Variants in BMPER observed in about 807,000 individuals in gnomAD.
BMPER encodes the protein BMP-binding endothelial regulator protein.
In BMPER, 45 loss-of-function variants were observed where a neutral mutation model predicts 87.3. The observed-to-expected ratio is 0.52, with a 90% CI of 0.41 to 0.66. The LOEUF (loss-of-function observed/expected upper bound fraction) is 0.66. BMPER is among the 30% of genes least tolerant of loss of function. BMPER has a pLI of 0.00. For missense variants in BMPER, 784 were observed against 867.5 expected (o/e 0.90, Z 1.21); for synonymous variants, 326 against 316.2 (o/e 1.03, Z -0.33).
At chr7:34,067,988 A>C (rs1409541450) in intron 11 of BMPER, among the ~76,000 whole-genome samples, 1 of 152,198 alleles carries the variant, frequency 6.6e-6, no homozygotes, top group East Asian at 1.9e-4. Context: ...GTCCTTGATA[A>C]GTGATTATTT....
At chr7:34,001,081 A>G (rs1786568506) in intron 6 of BMPER, among the ~76,000 whole-genome samples, 1 of 151,852 alleles carries the variant, frequency 6.6e-6, no homozygotes, top group Non-Finnish European at 1.5e-5. Flanking sequence ...TCAATTTGCT[A>G]GTATTTTGTT....
At chr7:34,073,961 GC>G (rs914835043) in intron 11 of BMPER, among the ~76,000 whole-genome samples, 1 of 152,228 alleles carries the variant, frequency 6.6e-6, no homozygotes, top group African/African-American at 2.4e-5. Flanking sequence ...GGTGAGGGGG[GC>G]CAGCACTGGG....
Position 34,066,212 on chromosome 7 carries a change from C to T in BMPER, c.1078+4165C>T, listed in dbSNP as rs764447831. Among the ~76,000 whole-genome samples, 149 of 152,264 alleles carry T rather than the reference C, an allele frequency of 9.8e-4. 1 individual carries two copies. In the Middle Eastern group the frequency reaches 0.01, roughly 10 times the overall value. ...AACAGTCAGCAGTAATGGTAATTTA[C>T]AATTTTGTAGGTAAGAAATAATAGA... On this transcript the variant is annotated intron_variant, in intron 11 of 14. Transcript: ENST00000649409.
intron 6 of BMPER, among the ~76,000 whole-genome samples, chr7:34,002,910 T>G (rs1160034864): frequency 1.3e-5 from 2 of 151,716 alleles, no homozygotes; most frequent in Non-Finnish European, 3.0e-5. Context: ...GAATCTAAAG[T>G]GTGTCTCTTG....
At chr7:33,919,664 C>T (rs1245902514) in intron 2 of BMPER, among the ~76,000 whole-genome samples, 1 of 152,150 alleles carries the variant, frequency 6.6e-6, no homozygotes, top group East Asian at 1.9e-4. Flanking sequence ...ACTCAGCACA[C>T]ATTTATTGAG....
intron 6 of BMPER, among the ~76,000 whole-genome samples, chr7:34,034,787 G>T (rs1394002913): frequency 6.6e-6 from 1 of 152,186 alleles, no homozygotes; most frequent in African/African-American, 2.4e-5. Flanking sequence ...TGATGTGAGT[G>T]ACAGATGCCA....
At chr7:34,073,089 A>AT (rs1350187099) in intron 11 of BMPER, among the ~76,000 whole-genome samples, 3 of 151,284 alleles carry the variant, frequency 2.0e-5, no homozygotes, top group Non-Finnish European at 2.9e-5. Context: ...AGTGTGGGCA[A>AT]TTTTTTTTTC....
At position 33,963,089 on chromosome 7, in the gene BMPER, T is replaced by C. The variant is rs186536201; in HGVS notation, c.320-3390T>C. Among the ~76,000 whole-genome samples the C allele has an allele frequency of 9.9e-4, 151 of 152,382 alleles. 1 individual carries two copies. Among genetic ancestry groups the C allele is most frequent in the Non-Finnish European group, 1.9e-3 (127 of 68,038 alleles). On this transcript the variant is annotated intron_variant, in intron 3 of 14. Coordinates refer to ENST00000649409, the MANE Select transcript of BMPER (RefSeq NM_001365308.1). ...ATTCTAGTGTTAGTTTCATATCTAA[T>C]TTCTTCTAATTTGGAGTAAGCCCTT...
At chr7:33,957,503 T>C (rs891178272) in intron 3 of BMPER, among the ~76,000 whole-genome samples, 2 of 151,982 alleles carry the variant, frequency 1.3e-5, no homozygotes, top group African/African-American at 4.8e-5. Context: ...GGAGTCTTGT[T>C]GTGATAAAAC....
At chr7:33,960,721 T>G (rs1165840283) in intron 3 of BMPER, among the ~76,000 whole-genome samples, 1 of 152,230 alleles carries the variant, frequency 6.6e-6, no homozygotes, top group Non-Finnish European at 1.5e-5. Context: ...TTCCTGTTTC[T>G]GGAAGAGGAG....
chr7:33,994,007 C>G (rs566588968), intron 6 of BMPER, among the ~76,000 whole-genome samples: 10 of 152,324 alleles, frequency 6.6e-5, no homozygotes, highest in Non-Finnish European at 1.5e-4. Context: ...ACTGGGAGAA[C>G]CACTGCTCTC....
Position 33,966,410 on chromosome 7 carries a change from G to T in BMPER, c.320-69G>T. The T allele has an allele frequency of 2.3e-6, 3 of 1,330,250 alleles. No homozygotes were observed. In the Admixed American group the frequency reaches 5.1e-5, roughly 23 times the overall value. The allele number at this position is 1,330,250 out of a possible 1,614,324, so 82.4% of individuals were successfully genotyped here. ...GGGCTTAGAGAACATAACTTATTTTGCTCCAAAAGGTAAAGGAAACCCATA... is the reference window on the plus strand; with the variant it reads ...GGGCTTAGAGAACATAACTTATTTTTCTCCAAAAGGTAAAGGAAACCCATA... On this transcript the variant is annotated intron_variant, in intron 3 of 14. Coordinates refer to ENST00000649409, the MANE Select transcript of BMPER (RefSeq NM_001365308.1).
intron 8 of BMPER, among the ~76,000 whole-genome samples, chr7:34,054,957 T>C (rs1166783302): frequency 6.6e-6 from 1 of 152,184 alleles, no homozygotes; most frequent in Non-Finnish European, 1.5e-5. Flanking sequence ...GTGCCATAGT[T>C]TCCACAGTGC....
At chr7:33,929,596 A>G (rs11972908) in intron 2 of BMPER, among the ~76,000 whole-genome samples, 5 of 152,356 alleles carry the variant, frequency 3.3e-5, no homozygotes, top group African/African-American at 1.2e-4. Context: ...TGGCTCACTT[A>G]GCCTCTAAAT....
rs915355237 is a variant in BMPER at position 34,153,609 on chromosome 7, G to A, written c.*336G>A. ...GATAGTGTTAACATCACATACATTT[G>A]TCATTTTTAAGGAAGTTTTCTAAGA... On this transcript the variant is annotated 3_prime_UTR_variant, in exon 15 of 15. Coordinates refer to ENST00000649409, the MANE Select transcript of BMPER (RefSeq NM_001365308.1). 2.0e-5 allele frequency: 4 copies of A among 200,110 alleles called. No homozygotes were observed. Among genetic ancestry groups the A allele is most frequent in the Non-Finnish European group, 4.2e-5 (4 of 96,326 alleles). The allele number at this position is 200,110 out of a possible 1,614,324, so 12.4% of individuals were successfully genotyped here.
chr7:34,150,482 G>T (rs1190437638), intron 14 of BMPER, among the ~76,000 whole-genome samples: 1 of 152,102 alleles, frequency 6.6e-6, no homozygotes, highest in Admixed American at 6.5e-5. Flanking sequence ...TTCCATTTGT[G>T]ACCACCATTA....
chr7:34,027,482 C>T (rs563877639), intron 6 of BMPER, among the ~76,000 whole-genome samples: 1 of 151,998 alleles, frequency 6.6e-6, no homozygotes, highest in East Asian at 1.9e-4. Flanking sequence ...TGAATATACC[C>T]CATTTAAACA....
intron 3 of BMPER, among the ~76,000 whole-genome samples, chr7:33,942,112 C>T (rs1784783544): frequency 6.6e-6 from 1 of 151,914 alleles, no homozygotes; most frequent in South Asian, 2.1e-4. Context: ...ATAGTGAAAG[C>T]TTACTAGATG....
chr7:34,049,165 G>A (rs1180359056), intron 7 of BMPER, among the ~76,000 whole-genome samples: 3 of 152,032 alleles, frequency 2.0e-5, no homozygotes, highest in African/African-American at 4.8e-5. Context: ...CTCAGCACAG[G>A]TCAGTGTACA....
Sources: gnomAD v4.1 joint callset for allele counts (sites outside exome capture counted in the v4.1 genomes callset) on GRCh38, gnomAD v4.1.1 for gene constraint, MANE v1.5 for transcripts, NCBI Gene and HGNC (gene_info 2026-07-23, HGNC 2026-07-21) for gene names.